TNIP3: variants seen among roughly 807,000 people sequenced by gnomAD.
The protein encoded by TNIP3 is TNFAIP3-interacting protein 3.
A neutral mutation model predicts 54.1 loss-of-function variants in TNIP3; 34 were observed. The ratio of observed to expected loss-of-function variants is 0.63; its 90% CI spans 0.48 to 0.84. The LOEUF is 0.84. Among genes scored for constraint, TNIP3 ranks in the 40% least tolerant of loss-of-function variants. TNIP3 has a pLI of 0.00. For synonymous variants in TNIP3, 134 were observed against 136.8 expected (o/e 0.98, Z 0.14); for missense variants, 366 against 387.6 (o/e 0.94, Z 0.47).
intron 3 of TNIP3, among the ~76,000 whole-genome samples, chr4:121,181,632 T>A (rs1439184204): frequency 4.1e-4 from 48 of 116,290 alleles, no homozygotes; most frequent in African/African-American, 3.1e-3. Context: ...CAGGTGTGTG[T>A]GTGTGTGTGT....
chr4:121,161,031 T>C (rs1730417160), intron 2 of TNIP3, 105 bp downstream of exon 2: 5 of 892,128 alleles, frequency 5.6e-6, no homozygotes, highest in Non-Finnish European at 8.7e-6. Context: ...TAAAGATAAA[T>C]ACTGTGACCT....
intron 3 of TNIP3, among the ~76,000 whole-genome samples, chr4:121,179,036 G>A (rs1027085864): frequency 2.6e-5 from 4 of 152,204 alleles, no homozygotes; most frequent in Non-Finnish European, 5.9e-5. Flanking sequence ...GGGTGAAAAG[G>A]TTTCAAAACC....
At chr4:121,144,774 T>TG (rs1305490015) in intron 7 of TNIP3, among the ~76,000 whole-genome samples, 2 of 152,224 alleles carry the variant, frequency 1.3e-5, no homozygotes, top group East Asian at 3.8e-4. Context: ...ATCTATATTT[T>TG]ACAGGCAGGT....
At chr4:121,227,336 G>A (rs1277502794) in intron 1 of TNIP3, 4 of 1,519,586 alleles carry the variant, frequency 2.6e-6, no homozygotes, top group African/African-American at 1.4e-5. Context: ...AACCAACCCT[G>A]GTAAGTAAGC....
chr4:121,215,909 C>T (rs1376891278), intron 2 of TNIP3, among the ~76,000 whole-genome samples: 1 of 149,584 alleles, frequency 6.7e-6, no homozygotes, highest in African/African-American at 2.5e-5. Context: ...ATAACTGAAC[C>T]AACGAATAGA....
chr4:121,157,115 C>T lies in TNIP3; in HGVS notation c.342G>A (p.Arg114=), dbSNP rs751488979. The part of the protein sequence containing the change: ...REDDRQRDLT[R]DRLQREEKEK... Reference sequence around the variant, plus strand: ...CCACCTCCTCCCGCTGCAGCCGGTCCCGGGTCAGGTCGCGCTGCCTGTCGT... The same window carrying T: ...CCACCTCCTCCCGCTGCAGCCGGTCTCGGGTCAGGTCGCGCTGCCTGTCGT... The change falls in exon 4 of 11, where the codon CGG becomes CGA. Residue 114 remains arginine, a synonymous_variant. Coordinates refer to ENST00000057513, the MANE Select transcript of TNIP3 (RefSeq NM_024873.6). 6.2e-7 allele frequency: 1 copy of T among 1,614,156 alleles called. No homozygotes were observed.
chr4:121,139,594 C>T lies in TNIP3; in HGVS notation c.886-910G>A, dbSNP rs565357698. Among the ~76,000 whole-genome samples the T allele has an allele frequency of 1.3e-4, 20 of 152,236 alleles. No homozygotes were observed. In the South Asian group the frequency reaches 3.9e-3, roughly 30 times the overall value. The stretch of plus-strand genomic sequence containing the variant: ...TTGAGGAAAATTTTTCTAACATGAG[C>T]CAACAGAGAGCATTTACAAGGCTGC... On this transcript the variant is annotated intron_variant, in intron 9 of 10. Transcript: ENST00000057513.
chr4:121,170,748 C>G lies in TNIP3; in HGVS notation c.190-6602G>C, dbSNP rs535820633. On this transcript the variant is annotated intron_variant, in intron 3 of 12. Coordinates refer to the TNIP3 transcript ENST00000507879. ...ATAAGTTAATATATTGAAGTATTAA[C>G]TGATGATCCCCCAAAACACACACTA... 3.3e-5 allele frequency among the ~76,000 whole-genome samples: 5 copies of G among 152,184 alleles called. No homozygotes were observed. In the South Asian group the frequency reaches 8.3e-4, roughly 25 times the overall value.
upstream of TNIP3, among the ~76,000 whole-genome samples, chr4:121,166,719 A>G (rs1285390279): frequency 6.6e-6 from 1 of 152,210 alleles, no homozygotes. Flanking sequence ...ATATTTCTAT[A>G]AGTTATTGGA....
At chr4:121,204,898 A>T (rs1404277049) in intron 2 of TNIP3, among the ~76,000 whole-genome samples, 1 of 152,196 alleles carries the variant, frequency 6.6e-6, no homozygotes, top group African/African-American at 2.4e-5. Flanking sequence ...CAACCAAAGA[A>T]TTCCATTGTT....
intron 3 of TNIP3, among the ~76,000 whole-genome samples, chr4:121,177,795 TC>T (rs2148824954): frequency 6.6e-6 from 1 of 152,324 alleles, no homozygotes; most frequent in African/African-American, 2.4e-5. Flanking sequence ...ATATAGGGTT[TC>T]TTTCTGCAGA....
intron 5 of TNIP3, among the ~76,000 whole-genome samples, chr4:121,150,869 C>T (rs1469482052): frequency 3.3e-5 from 5 of 152,216 alleles, no homozygotes; most frequent in Non-Finnish European, 5.9e-5. Context: ...TCTGTTAAAA[C>T]ATTCATTAAC....
chr4:121,138,482 C>A (rs1728918053), intron 10 of TNIP3, 142 bp downstream of exon 10: 1 of 710,772 alleles, frequency 1.4e-6, no homozygotes, highest in South Asian at 1.8e-5. Flanking sequence ...ACCCCAGGTG[C>A]ATCAAATTAA....
rs1201019795 is a variant in TNIP3 at position 121,158,735 on chromosome 4, C to T, written c.165G>A (p.Gln55=). 1.9e-6 allele frequency: 3 copies of T among 1,612,428 alleles called. No individual in the cohort carries two copies. In the East Asian group the frequency reaches 6.7e-5, roughly 36 times the overall value. Reference sequence around the variant, plus strand: ...TACTTCTAAATTGCTGATCCCATTGCTGGTTAACTTCCAGGAGCTGAAATC... The same window carrying T: ...TACTTCTAAATTGCTGATCCCATTGTTGGTTAACTTCCAGGAGCTGAAATC... ...KQRKELLEVN[Q]QWDQQFRSMK... Residue 55 remains glutamine, a synonymous_variant, in exon 3 of 11, where the codon CAG becomes CAA. Transcript: ENST00000057513.
intron 2 of TNIP3, among the ~76,000 whole-genome samples, chr4:121,185,784 G>C (rs879167744): frequency 6.6e-6 from 1 of 152,196 alleles, no homozygotes; most frequent in Admixed American, 6.5e-5. Flanking sequence ...AGCTCAGCTG[G>C]TATTGCCCTC....
intron 2 of TNIP3, among the ~76,000 whole-genome samples, chr4:121,184,836 G>A (rs1440750718): frequency 6.6e-6 from 1 of 152,196 alleles, no homozygotes; most frequent in East Asian, 1.9e-4. Flanking sequence ...GCAAAAGGTT[G>A]CATATGCATA....
At chr4:121,167,797 G>T (rs1730845607), upstream of TNIP3, among the ~76,000 whole-genome samples, 1 of 152,070 alleles carries the variant, frequency 6.6e-6, no homozygotes, top group South Asian at 2.1e-4. Flanking sequence ...AACAGCTTGT[G>T]ACAATCAGAA....
intron 3 of TNIP3, 54 bp from the exon 4 acceptor site, chr4:121,157,297 C>G (rs1245669922): frequency 3.7e-6 from 6 of 1,611,516 alleles, no homozygotes; most frequent in Non-Finnish European, 5.1e-6. Context: ...GCTCACAAGC[C>G]CCTGGATTTA....
At chr4:121,146,212 TA>T (rs879536219) in intron 7 of TNIP3, among the ~76,000 whole-genome samples, 1 of 152,160 alleles carries the variant, frequency 6.6e-6, no homozygotes, top group Admixed American at 6.6e-5. Flanking sequence ...AAGTTAATCT[TA>T]AAAAAATCAG....
Sources: allele counts gnomAD v4.1 joint callset (sites outside exome capture counted in the v4.1 genomes callset), GRCh38; gene constraint gnomAD v4.1.1; transcripts MANE v1.5; gene names NCBI Gene and HGNC (gene_info 2026-07-23, HGNC 2026-07-21).